The following CHID1 variants were observed in gnomAD, a reference collection of about 807,000 sequenced individuals.
The protein encoded by CHID1 is chitinase domain containing 1.
Under a neutral mutation model 55.4 loss-of-function variants are expected in CHID1, and 44 were observed. That is an observed-to-expected ratio of 0.79 (90% CI 0.62 to 1.02). The LOEUF (loss-of-function observed/expected upper bound fraction) is 1.02. CHID1 is among the 50% of genes least tolerant of loss of function. The pLI, the probability that CHID1 is intolerant of heterozygous loss-of-function variation, is 0.00. For missense variants in CHID1, 491 were observed against 515.3 expected, an observed-to-expected ratio of 0.95 and a Z score of 0.46; for synonymous variants, 216 against 212.9, an observed-to-expected ratio of 1.01 and a Z score of -0.13.
chr11:912,935 T>C (rs1053641275), upstream of CHID1, among the ~76,000 whole-genome samples: 3 of 152,144 alleles, frequency 2.0e-5, no homozygotes, highest in African/African-American at 7.2e-5. Context: ...ATACCAAGAT[T>C]TAGGAGAATC....
intron 1 of CHID1, chr11:908,442 T>C (rs1852397273): frequency 1.9e-5 from 6 of 316,380 alleles, no homozygotes; most frequent in Non-Finnish European, 2.7e-5. Flanking sequence ...CCCACTATCT[T>C]TCTGCTGCAG....
chr11:872,729 C>T (rs1849258848), intron 10 of CHID1, among the ~76,000 whole-genome samples: 1 of 152,196 alleles, frequency 6.6e-6, no homozygotes, highest in Non-Finnish European at 1.5e-5. Flanking sequence ...TTGCAGCGTC[C>T]CCCCTCAATA....
intron 10 of CHID1, among the ~76,000 whole-genome samples, chr11:878,546 A>G (rs1849671272): frequency 1.3e-5 from 2 of 152,000 alleles, no homozygotes; most frequent in African/African-American, 4.8e-5. Context: ...CTGGGCAACA[A>G]GAGTGAAATT....
chr11:907,349 C>T (rs1289855435), intron 1 of CHID1, among the ~76,000 whole-genome samples: 1 of 152,072 alleles, frequency 6.6e-6, no homozygotes, highest in East Asian at 1.9e-4. Context: ...GGCATGGTGG[C>T]AGGCGCCTGT....
At chr11:880,440 C>G (rs946176261) in intron 10 of CHID1, among the ~76,000 whole-genome samples, 3 of 152,172 alleles carry the variant, frequency 2.0e-5, no homozygotes, top group Non-Finnish European at 4.4e-5. Flanking sequence ...GCCGTGTGGA[C>G]AGAGAGGAGT....
Position 902,456 on chromosome 11 carries a change from C to T in CHID1, c.262-126G>A, listed in dbSNP as rs1851890548. 28 of 1,003,460 alleles carry T rather than the reference C, an allele frequency of 2.8e-5. No individual in the cohort carries two copies. The South Asian group carries it at 4.4e-4, about 16-fold the overall frequency. 62.2% of individuals were successfully genotyped at this position (1,003,460 alleles called of 1,614,324 possible). On this transcript the variant is annotated intron_variant, in intron 3 of 12. Transcript: ENST00000323578. Reference sequence around the variant, plus strand: ...CAGCGTAGACAGATACCAGCCCGGACTGACATCAGCTCCTGGCCTGGGGTA... The same window carrying T: ...CAGCGTAGACAGATACCAGCCCGGATTGACATCAGCTCCTGGCCTGGGGTA...
chr11:899,950 C>G (rs1442753732), intron 6 of CHID1, 54 bp downstream of exon 6: 1 of 1,394,542 alleles, frequency 7.2e-7, no homozygotes, highest in African/African-American at 1.4e-5. Context: ...GCCAGACGGC[C>G]AGGTGGGACC....
intron 8 of CHID1, among the ~76,000 whole-genome samples, chr11:892,114 C>CA (rs11308953): frequency 0.034 from 5,108 of 150,030 alleles, 108 homozygotes; most frequent in Non-Finnish European, 0.05. Context: ...GACTCTATCT[C>CA]AAAAAAAAAG....
At chr11:895,940 A>G (rs1316516914) in intron 7 of CHID1, among the ~76,000 whole-genome samples, 1 of 152,010 alleles carries the variant, frequency 6.6e-6, no homozygotes, top group African/African-American at 2.4e-5. Context: ...GAGCCTGGAC[A>G]CGAGGTGCTC....
rs57786096 is a variant in CHID1, at chr11:898,246, G to C, written c.608+1094C>G. On this transcript the variant is annotated intron_variant, in intron 7 of 12. Coordinates refer to ENST00000323578, the MANE Select transcript of CHID1 (RefSeq NM_023947.4). Reference sequence around the variant, plus strand: ...CAGAGCCTGGACCTGCAGCTCCTTTGCCCACAGCAGCAATGGGATGAAAGT... The same window carrying C: ...CAGAGCCTGGACCTGCAGCTCCTTTCCCCACAGCAGCAATGGGATGAAAGT... Among the ~76,000 whole-genome samples, 13 of 152,250 alleles carry C rather than the reference G, an allele frequency of 8.5e-5. No homozygotes were observed. In the East Asian group the frequency reaches 2.5e-3, roughly 29 times the overall value.
intron 6 of CHID1, 25 bp downstream of exon 6, chr11:899,978 AG>A: frequency 6.4e-7 from 1 of 1,567,852 alleles, no homozygotes; most frequent in Non-Finnish European, 8.8e-7. Context: ...CTGTGCTCAG[AG>A]GCTGGAGCAG....
intron 3 of CHID1, 88 bp from the exon 4 acceptor site, chr11:902,418 G>C: frequency 6.7e-7 from 1 of 1,489,838 alleles, no homozygotes; most frequent in East Asian, 2.3e-5. Context: ...CTCTGGACGT[G>C]CCCAGGGCTG....
chr11:906,472 C>G (rs1177237409), intron 1 of CHID1, among the ~76,000 whole-genome samples: 1 of 152,132 alleles, frequency 6.6e-6, no homozygotes, highest in East Asian at 1.9e-4. Flanking sequence ...CTCCTGGCCT[C>G]CCGTGATCTG....
rs532155800 is a variant in CHID1, at chr11:869,315, C to T, written c.*543G>A. 1.3e-5 allele frequency: 2 copies of T among 158,998 alleles called. No individual in the cohort carries two copies. The highest frequency in any genetic ancestry group is 2.4e-5 in the African/African-American group (1 of 41,602). The allele number at this position is 158,998 out of a possible 1,614,324, so 9.8% of individuals were successfully genotyped here. Reference sequence around the variant, plus strand: ...GGGCAGCCCCTGCACCCTTGCCGTGCTGGACTCGGTGGGGACGTCTGGGTG... The same window carrying T: ...GGGCAGCCCCTGCACCCTTGCCGTGTTGGACTCGGTGGGGACGTCTGGGTG... On this transcript the variant is annotated 3_prime_UTR_variant, in exon 13 of 13. Transcript: ENST00000323578.
At chr11:873,078 G>A (rs546323826) in intron 10 of CHID1, among the ~76,000 whole-genome samples, 2 of 152,306 alleles carry the variant, frequency 1.3e-5, no homozygotes, top group South Asian at 2.1e-4. Flanking sequence ...CCCTGGGGAC[G>A]AGGAGAAGCT....
Position 870,142 on chromosome 11 carries a change from G to A in CHID1, c.1062C>T (p.Val354=), listed in dbSNP as rs905764501. 4.3e-6 allele frequency: 7 copies of A among 1,612,928 alleles called. No individual in the cohort carries two copies. Among genetic ancestry groups the A allele is most frequent in the South Asian group, 2.2e-5 (2 of 91,086 alleles). The change falls in exon 12 of 13, where the codon GTC becomes GTT. Residue 354 remains valine (V), a synonymous_variant. Coordinates refer to ENST00000323578, the MANE Select transcript of CHID1 (RefSeq NM_023947.4). The part of the protein sequence containing the change: ...EYKKSRSGRH[V]VFYPTLKSLQ... ...GCACCTTCAGGGTTGGGTAGAAGAC[G>A]ACGTGCCTCCCACTGCGGCTCCTGC...
chr11:899,975 C>G (rs373899874), intron 6 of CHID1, 29 bp downstream of exon 6: 17 of 1,564,444 alleles, frequency 1.1e-5, no homozygotes, highest in Middle Eastern at 1.7e-4. Context: ...GGGCTGTGCT[C>G]AGAGGCTGGA....
At chr11:884,866 TTCCCTCGGGGACCTGC>T (rs1850274724) in intron 8 of CHID1, among the ~76,000 whole-genome samples, 2 of 152,172 alleles carry the variant, frequency 1.3e-5, no homozygotes, top group Admixed American at 1.3e-4. Flanking sequence ...ATGGCCGCCC[TTCCCTCGGGGACCTGC>T]TCCTTCCTGA....
At chr11:885,208 C>T (rs537656858) in intron 8 of CHID1, among the ~76,000 whole-genome samples, 2 of 152,272 alleles carry the variant, frequency 1.3e-5, no homozygotes, top group South Asian at 2.1e-4. Flanking sequence ...CAAATCTGGA[C>T]CACGCCAAGG....
Sources: gnomAD v4.1 joint callset for allele counts (sites outside exome capture counted in the v4.1 genomes callset) on GRCh38, gnomAD v4.1.1 for gene constraint, MANE v1.5 for transcripts, NCBI Gene and HGNC (gene_info 2026-07-23, HGNC 2026-07-21) for gene names.